Variants in ST18 observed in about 807,000 individuals in gnomAD.
ST18 encodes the protein ST18 C2H2C-type zinc finger transcription factor, also known as suppression of tumorigenicity 18 protein.
In ST18, 50 loss-of-function variants were observed where a neutral mutation model predicts 110.0. The observed-to-expected ratio is 0.45, with a 90% CI of 0.36 to 0.58. The LOEUF (loss-of-function observed/expected upper bound fraction) is 0.58. Among genes scored for constraint, ST18 ranks in the 20% least tolerant of loss-of-function variants. The pLI, the probability that ST18 is intolerant of heterozygous loss-of-function variation, is 0.00. For missense variants in ST18, 1,306 were observed against 1,280.1 expected (o/e 1.02, Z -0.31); for synonymous variants, 461 against 452.4 (o/e 1.02, Z -0.24).
chr8:52,117,968 C>T (rs1207449129), intron 24 of ST18, among the ~76,000 whole-genome samples: 1 of 152,212 alleles, frequency 6.6e-6, no homozygotes, highest in Admixed American at 6.5e-5. Context: ...GTTCCAAAAA[C>T]ATTAAACAAA....
intron 2 of ST18, among the ~76,000 whole-genome samples, chr8:52,331,688 T>C (rs1809476039): frequency 6.6e-6 from 1 of 152,220 alleles, no homozygotes; most frequent in Non-Finnish European, 1.5e-5. Context: ...AAAACTTTTC[T>C]CTTTTTAAAC....
At position 52,133,056 on chromosome 8, in the gene ST18, C is replaced by T. The variant is rs1383470399; in HGVS notation, c.2444+1G>A. The T allele has an allele frequency of 6.2e-7, 1 of 1,614,162 alleles. No homozygotes were observed. The highest frequency in any genetic ancestry group is 2.2e-5 in the East Asian group (1 of 44,890). ...CCCCATGTCTCAACTGTTGCACTTA[C>T]TTCAGTTCAGGGTCTTCTTTTTCTT... On this transcript the variant is annotated splice_donor_variant, in intron 21 of 25. Transcript: ENST00000689386. LOFTEE classifies it high-confidence loss of function.
At chr8:52,177,318 C>A (rs1003259295) in intron 9 of ST18, among the ~76,000 whole-genome samples, 2 of 152,196 alleles carry the variant, frequency 1.3e-5, no homozygotes, top group Non-Finnish European at 2.9e-5. Context: ...GAAGTCTGTG[C>A]CATAAAGCGG....
At chr8:52,263,620 T>C in intron 2 of ST18, among the ~76,000 whole-genome samples, 1 of 150,294 alleles carries the variant, frequency 6.7e-6, no homozygotes, top group East Asian at 1.9e-4. Flanking sequence ...GTTTTTTTTT[T>C]TTTTAGTAGA....
intron 2 of ST18, among the ~76,000 whole-genome samples, chr8:52,246,350 C>A (rs769427579): frequency 7.9e-5 from 12 of 151,764 alleles, no homozygotes; most frequent in Non-Finnish European, 1.6e-4. Context: ...TTTTAAAAAA[C>A]AGAAAGAAGA....
intron 2 of ST18, among the ~76,000 whole-genome samples, chr8:52,272,541 C>T (rs921974066): frequency 1.4e-5 from 2 of 142,626 alleles, no homozygotes; most frequent in East Asian, 1.9e-4. Flanking sequence ...GTCAGGATGG[C>T]GATTATAGAC....
chr8:52,223,449 G>A (rs562295708), intron 3 of ST18, among the ~76,000 whole-genome samples: 132 of 152,196 alleles, frequency 8.7e-4, no homozygotes, highest in Non-Finnish European at 1.6e-3. Context: ...TTTGAGACCA[G>A]CCTGGCCAAC....
At chr8:52,342,490 T>A (rs1815560151) in intron 2 of ST18, among the ~76,000 whole-genome samples, 1 of 152,238 alleles carries the variant, frequency 6.6e-6, no homozygotes, top group Non-Finnish European at 1.5e-5. Flanking sequence ...CAGACCACGA[T>A]GGAGATGAGA....
At chr8:52,364,200 G>A (rs1826904249) in intron 2 of ST18, among the ~76,000 whole-genome samples, 1 of 152,116 alleles carries the variant, frequency 6.6e-6, no homozygotes, top group African/African-American at 2.4e-5. Flanking sequence ...CATTGCATGG[G>A]TTTCCTCCTA....
intron 2 of ST18, among the ~76,000 whole-genome samples, chr8:52,265,385 C>A (rs955579643): frequency 6.6e-6 from 1 of 152,166 alleles, no homozygotes; most frequent in Non-Finnish European, 1.5e-5. Flanking sequence ...GGGAGGGCTC[C>A]AGCTAGAGGA....
intron 2 of ST18, among the ~76,000 whole-genome samples, chr8:52,384,363 G>A (rs368432275): frequency 4.6e-5 from 7 of 152,056 alleles, no homozygotes; most frequent in South Asian, 4.2e-4. Context: ...GTCAGGGAGC[G>A]CCACAATCCA....
At chr8:52,196,361 T>G (rs1360719288) in intron 8 of ST18, among the ~76,000 whole-genome samples, 1 of 152,152 alleles carries the variant, frequency 6.6e-6, no homozygotes, top group Admixed American at 6.5e-5. Flanking sequence ...TTCAAATCAC[T>G]CCCATGAATG....
intron 25 of ST18, among the ~76,000 whole-genome samples, chr8:52,114,001 G>A (rs1251568808): frequency 3.2e-4 from 30 of 93,622 alleles, no homozygotes; most frequent in African/African-American, 1.1e-3. Flanking sequence ...TCAGAGTCTC[G>A]CTCTATTGTC....
intron 15 of ST18, chr8:52,154,942 C>T (rs1002544307): frequency 6.6e-6 from 1 of 151,730 alleles, no homozygotes; most frequent in Non-Finnish European, 1.5e-5. Flanking sequence ...TGGCTCACAC[C>T]TGTAATCCCA....
chr8:52,348,076 C>T (rs1818533164), intron 2 of ST18, among the ~76,000 whole-genome samples: 1 of 151,944 alleles, frequency 6.6e-6, no homozygotes, highest in Admixed American at 6.6e-5. Context: ...TTGAGTGGCT[C>T]ACGAACTGGT....
intron 9 of ST18, among the ~76,000 whole-genome samples, chr8:52,174,167 A>T (rs899795039): frequency 2.0e-5 from 3 of 152,224 alleles, no homozygotes; most frequent in African/African-American, 7.2e-5. Context: ...TTCCTAGAAA[A>T]GAGGCTGGAT....
chr8:52,112,293 C>T lies in ST18; in HGVS notation c.*905G>A, dbSNP rs1444537478. On this transcript the variant is annotated 3_prime_UTR_variant, in exon 26 of 26. Transcript: ENST00000689386. ...TATTGTCACTTGTATATTGTACCAA[C>T]ATATGGCAGGAAAGCCTGGCTGGTC... is the stretch of plus-strand genomic sequence containing the variant. 6.6e-6 allele frequency: 1 copy of T among 152,562 alleles called. No homozygotes were observed. The highest frequency in any genetic ancestry group is 1.5e-5 in the Non-Finnish European group (1 of 68,038). The allele number at this position is 152,562 out of a possible 1,614,324, so 9.5% of individuals were successfully genotyped here. A position where few individuals can be genotyped will look rare whatever the true frequency, so the allele number is the denominator to read the frequency against.
intron 8 of ST18, among the ~76,000 whole-genome samples, chr8:52,195,800 C>G (rs1175846922): frequency 6.6e-6 from 1 of 152,028 alleles, no homozygotes; most frequent in Non-Finnish European, 1.5e-5. Flanking sequence ...GGTGAATAAT[C>G]TAAATTCTCT....
rs976164272 is a variant in ST18 at position 52,200,632 on chromosome 8, G to A, written c.86+11447C>T. On this transcript the variant is annotated intron_variant, in intron 8 of 25. Coordinates refer to ENST00000689386, the MANE Select transcript of ST18 (RefSeq NM_001352837.2). ...CATGAGGAAGAACAGAGGCAGGAAA[G>A]CCTGTAAGAAGGTGCTGACAGTGAT... is the stretch of plus-strand genomic sequence containing the variant. Among the ~76,000 whole-genome samples, 99 of 152,334 alleles carry A rather than the reference G, an allele frequency of 6.5e-4. 1 individual carries two copies. Among genetic ancestry groups the A allele is most frequent in the Non-Finnish European group, 1.1e-3 (76 of 68,034 alleles).
Sources: gnomAD v4.1 joint callset for allele counts (sites outside exome capture counted in the v4.1 genomes callset) on GRCh38, gnomAD v4.1.1 for gene constraint, MANE v1.5 for transcripts, NCBI Gene and HGNC (gene_info 2026-07-23, HGNC 2026-07-21) for gene names.